Variants in RASSF5 observed in about 807,000 individuals in gnomAD.
RASSF5 encodes the protein Ras association domain family member 5.
A neutral mutation model predicts 40.5 loss-of-function variants in RASSF5; 25 were observed. The observed-to-expected ratio is 0.62, with a 90% confidence interval of 0.45 to 0.86. RASSF5 has a LOEUF of 0.86. Ranked by LOEUF, RASSF5 falls within the 40% of genes least tolerant of loss-of-function variation. RASSF5 has a pLI of 0.00. For synonymous variants in RASSF5, 246 were observed against 252.4 expected, an observed-to-expected ratio of 0.97 and a Z score of 0.24; for missense variants, 521 against 572.8, an observed-to-expected ratio of 0.91 and a Z score of 0.92.
chr1:206,527,058 T>C (rs934470581), intron 1 of RASSF5, among the ~76,000 whole-genome samples: 5 of 152,184 alleles, frequency 3.3e-5, no homozygotes, highest in Admixed American at 3.3e-4. Flanking sequence ...TGTCCAGGTT[T>C]CTCATACCCA....
At chr1:206,565,842 G>T (rs1668275404) in intron 2 of RASSF5, among the ~76,000 whole-genome samples, 1 of 152,232 alleles carries the variant, frequency 6.6e-6, no homozygotes, top group South Asian at 2.1e-4. Flanking sequence ...CACTGAGGAG[G>T]ATGGAGGGGG....
Position 206,584,388 on chromosome 1 carries a change from G to C in RASSF5, c.692G>C (p.Ser231Thr). 1 of 1,609,686 alleles carries C rather than the reference G, an allele frequency of 6.2e-7. No individual in the cohort carries two copies. Among genetic ancestry groups the C allele is most frequent in the Non-Finnish European group, 8.5e-7 (1 of 1,177,186 alleles). ...REKNCLGMKL[S>T]EDGTYTGFIK... Reference sequence around the variant, plus strand: ...CCTGTGACATGCCCCCGCTGGCAGAGTGAAGACGGCACCTACACGGGTTTC... The same window carrying C: ...CCTGTGACATGCCCCCGCTGGCAGACTGAAGACGGCACCTACACGGGTTTC... Residue 231 changes from serine (S) to threonine (T), a missense_variant and splice_region_variant, in exon 4 of 6, where the codon AGT (serine) becomes ACT (threonine). By Grantham distance (58) the Ser-to-Thr change is moderately conservative. Around this residue, in one of 2 missense-constraint regions of RASSF5, gnomAD observed 284 missense variants for 360.8 expected, o/e 0.79. Coordinates refer to ENST00000579436, the MANE Select transcript of RASSF5 (RefSeq NM_182663.4). This position sits in a 1 kb window ranked among gnomAD's most constrained non-coding sequence, Gnocchi z 4.9.
chr1:206,577,155 G>A (rs538973308), intron 2 of RASSF5, among the ~76,000 whole-genome samples: 57 of 152,228 alleles, frequency 3.7e-4, no homozygotes, highest in Admixed American at 1.3e-3. Context: ...TCCAGTAGCT[G>A]CTTTTGTGCC....
chr1:206,584,177 T>G lies in RASSF5; in HGVS notation c.691-210T>G, dbSNP rs558741419. Among the ~76,000 whole-genome samples, 3 of 152,224 alleles carry G rather than the reference T, an allele frequency of 2.0e-5. No homozygotes were observed. In the East Asian group the frequency reaches 5.8e-4, roughly 29 times the overall value. On this transcript the variant is annotated intron_variant, in intron 3 of 5. Transcript: ENST00000579436. This position sits in a 1 kb window ranked among gnomAD's most constrained non-coding sequence, Gnocchi z 4.9. The stretch of plus-strand genomic sequence containing the variant: ...GGGAAATCCACTGCAGCCCCACAGG[T>G]CCTCTTTGGTAGCTGGATCCTGAGG...
chr1:206,586,246 T>TCAGCCTGATGGAGAG (rs1553407616), intron 5 of RASSF5: 1 of 153,968 alleles, frequency 6.5e-6, no homozygotes, highest in Non-Finnish European at 1.4e-5. Context: ...TGCTCTTGGG[T>TCAGCCTGATGGAGAG]CAGCCTGATG....
chr1:206,518,481 C>T (rs572097462), intron 1 of RASSF5: 45 of 398,706 alleles, frequency 1.1e-4, no homozygotes, highest in African/African-American at 8.0e-4. Flanking sequence ...CCCGAAGAGC[C>T]GCTCGGTCTC....
intron 1 of RASSF5, among the ~76,000 whole-genome samples, chr1:206,527,428 G>A (rs1226409137): frequency 1.3e-5 from 2 of 152,150 alleles, no homozygotes; most frequent in Admixed American, 1.3e-4. Flanking sequence ...GGCCTTTCTG[G>A]TGAAATTGTC....
intron 2 of RASSF5, among the ~76,000 whole-genome samples, chr1:206,539,633 G>C (rs1558505107): frequency 6.6e-6 from 1 of 152,308 alleles, no homozygotes; most frequent in East Asian, 1.9e-4. Context: ...CGTTGGAATA[G>C]TAACTATTTC....
intron 2 of RASSF5, among the ~76,000 whole-genome samples, chr1:206,541,514 G>A (rs1240148033): frequency 7.9e-5 from 12 of 152,154 alleles, no homozygotes; most frequent in African/African-American, 2.4e-4. Context: ...GAGGAAGGCC[G>A]CTGGGAGCTG....
At chr1:206,529,115 C>T in intron 1 of RASSF5, 2 of 1,466,296 alleles carry the variant, frequency 1.4e-6, no homozygotes, top group Non-Finnish European at 1.9e-6. Flanking sequence ...GAGCCATCCT[C>T]TACAAGTGGC....
chr1:206,523,634 A>AT (rs1174522898), intron 1 of RASSF5, among the ~76,000 whole-genome samples: 2 of 102,886 alleles, frequency 1.9e-5, no homozygotes, highest in Admixed American at 1.6e-4. Context: ...TATAAAATAT[A>AT]TTATATATAA....
intron 1 of RASSF5, among the ~76,000 whole-genome samples, chr1:206,536,953 C>T (rs1176352080): frequency 6.6e-6 from 1 of 152,210 alleles, no homozygotes; most frequent in African/African-American, 2.4e-5. Flanking sequence ...CACCTCAGAT[C>T]CGAGCATTTT....
chr1:206,531,232 A>G lies in RASSF5; in HGVS notation c.458-6940A>G, dbSNP rs1203375694. Among the ~76,000 whole-genome samples, 1 of 152,186 alleles carries G rather than the reference A, an allele frequency of 6.6e-6. No homozygotes were observed. The highest frequency in any genetic ancestry group is 1.5e-5 in the Non-Finnish European group (1 of 68,036). On this transcript the variant is annotated intron_variant, in intron 1 of 5. Coordinates refer to ENST00000579436, the MANE Select transcript of RASSF5 (RefSeq NM_182663.4). This position sits in a 1 kb window ranked among gnomAD's most constrained non-coding sequence, Gnocchi z 4.7. ...AAGCATTCCTTCCTTTAGTCACTCAACCAATTTGTAGTAGTCCCTTTCTGA... is the reference window on the plus strand; with the variant it reads ...AAGCATTCCTTCCTTTAGTCACTCAGCCAATTTGTAGTAGTCCCTTTCTGA...
rs1182148991 is a variant in RASSF5 at position 206,587,790 on chromosome 1, T to C, written c.*812T>C. On this transcript the variant is annotated 3_prime_UTR_variant, in exon 6 of 6. Coordinates refer to ENST00000579436, the MANE Select transcript of RASSF5 (RefSeq NM_182663.4). ...TGTTTCCCCAAAGGGAAGCCAGTCA[T>C]TGACCATTTAAAAAGTCTCCTGCTA... 1.3e-5 allele frequency: 2 copies of C among 152,456 alleles called. No homozygotes were observed. The highest frequency in any genetic ancestry group is 1.9e-4 in the East Asian group (1 of 5,346). 9.4% of individuals were successfully genotyped at this position (152,456 alleles called of 1,614,324 possible). A position where few individuals can be genotyped will look rare whatever the true frequency, so the allele number is the denominator to read the frequency against.
At chr1:206,556,841 G>A (rs1668002687) in intron 2 of RASSF5, among the ~76,000 whole-genome samples, 1 of 152,074 alleles carries the variant, frequency 6.6e-6, no homozygotes, top group Non-Finnish European at 1.5e-5. Context: ...AGGGGGTGGG[G>A]GTGAGGAAGT....
chr1:206,562,617 C>A (rs1553402820), intron 2 of RASSF5, among the ~76,000 whole-genome samples: 2 of 152,108 alleles, frequency 1.3e-5, no homozygotes, highest in Non-Finnish European at 2.9e-5. Context: ...TCAGGTCCAA[C>A]AACATCAAGT....
chr1:206,553,079 G>A (rs1258703481), intron 2 of RASSF5, among the ~76,000 whole-genome samples: 1 of 152,154 alleles, frequency 6.6e-6, no homozygotes, highest in Non-Finnish European at 1.5e-5. Flanking sequence ...GCGGGCGCCT[G>A]TAGTCCCAGC....
intron 2 of RASSF5, among the ~76,000 whole-genome samples, chr1:206,577,529 A>C (rs1668697989): frequency 6.6e-6 from 1 of 152,190 alleles, no homozygotes; most frequent in African/African-American, 2.4e-5. Flanking sequence ...AGGCTTAGAG[A>C]TTATCTGACT....
chr1:206,567,466 C>G (rs1284141212), intron 2 of RASSF5, among the ~76,000 whole-genome samples: 1 of 152,126 alleles, frequency 6.6e-6, no homozygotes, highest in Non-Finnish European at 1.5e-5. Context: ...TGGGCACCCA[C>G]AGTCAATGGA....
Sources: gnomAD v4.1 joint callset for allele counts (sites outside exome capture counted in the v4.1 genomes callset) on GRCh38, gnomAD v4.1.1 for gene constraint, gnomAD v4.1.1 regional missense constraint, Gnocchi (gnomAD v3.1) non-coding constraint, MANE v1.5 for transcripts, NCBI Gene and HGNC (gene_info 2026-07-23, HGNC 2026-07-21) for gene names.